Variants in DOCK10 observed in about 807,000 individuals in gnomAD.
The protein encoded by DOCK10 is dedicator of cytokinesis 10, also known as dedicator of cytokinesis protein 10.
A neutral mutation model predicts 280.1 loss-of-function variants in DOCK10; 145 were observed. The ratio of observed to expected loss-of-function variants is 0.52; its 90% confidence interval spans 0.45 to 0.59. The LOEUF (loss-of-function observed/expected upper bound fraction) is 0.59, where lower values mean the gene tolerates loss of function less well. DOCK10 is among the 20% of genes least tolerant of loss of function. DOCK10 has a pLI of 0.00. For synonymous variants in DOCK10, 915 were observed against 942.2 expected, an observed-to-expected ratio of 0.97 and a Z score of 0.53; for missense variants, 2,368 against 2,651.7, an observed-to-expected ratio of 0.89 and a Z score of 2.35.
chr2:224,971,368 G>T (rs754575736), intron 1 of DOCK10, among the ~76,000 whole-genome samples: 3 of 152,000 alleles, frequency 2.0e-5, no homozygotes, highest in Non-Finnish European at 4.4e-5. Context: ...CCAGATTGCA[G>T]GTGAAGAGAG....
chr2:224,882,155 C>A (rs1355865179), intron 7 of DOCK10, among the ~76,000 whole-genome samples: 1 of 152,194 alleles, frequency 6.6e-6, no homozygotes, highest in Non-Finnish European at 1.5e-5. Context: ...TTGGGCTGTT[C>A]ATTCTCTTCT....
chr2:224,881,431 C>A (rs972520705), intron 7 of DOCK10, among the ~76,000 whole-genome samples: 1 of 152,176 alleles, frequency 6.6e-6, no homozygotes, highest in Admixed American at 6.5e-5. Context: ...TAAAGCTCCA[C>A]ATGAACATAT....
rs1691807673 is a variant in DOCK10 at position 224,787,404 on chromosome 2, T to C, written c.5419-7A>G. Reference sequence around the variant, plus strand: ...GCTGCTCCACCAGGATATTCTGCAATTCCCCCAATCAAAATAAGATTTTAC... The same window carrying C: ...GCTGCTCCACCAGGATATTCTGCAACTCCCCCAATCAAAATAAGATTTTAC... On this transcript the variant is annotated splice_region_variant and splice_polypyrimidine_tract_variant and intron_variant, in intron 48 of 55. Transcript: ENST00000258390. 1 of 1,613,358 alleles carries C rather than the reference T, an allele frequency of 6.2e-7. No individual in the cohort carries two copies. The highest frequency in any genetic ancestry group is 1.7e-5 in the Admixed American group (1 of 59,868).
At chr2:225,030,146 TAA>T (rs75138059) in intron 1 of DOCK10, among the ~76,000 whole-genome samples, 7,040 of 119,120 alleles carry the variant, frequency 0.059, 571 homozygotes, top group African/African-American at 0.2. Context: ...ACTCTGTCTT[TAA>T]AAAAAAAAAA....
At chr2:224,823,190 G>A (rs1218398759) in intron 28 of DOCK10, among the ~76,000 whole-genome samples, 1 of 151,910 alleles carries the variant, frequency 6.6e-6, no homozygotes, top group Non-Finnish European at 1.5e-5. Flanking sequence ...GTTTCACCAT[G>A]TTGGCCAGGA....
chr2:224,999,243 TCTCTCTC>T (rs948226203), intron 1 of DOCK10, among the ~76,000 whole-genome samples: 1 of 139,002 alleles, frequency 7.2e-6, no homozygotes, highest in African/African-American at 3.3e-5. Context: ...TTTCTCTGTC[TCTCTCTC>T]TTTTTTTTTT....
At chr2:224,783,110 G>A (rs1339428111) in intron 50 of DOCK10, among the ~76,000 whole-genome samples, 2 of 152,072 alleles carry the variant, frequency 1.3e-5, no homozygotes, top group Non-Finnish European at 2.9e-5. Context: ...AATCTCATCT[G>A]AGCAATGATG....
intron 1 of DOCK10, among the ~76,000 whole-genome samples, chr2:224,960,963 C>T (rs928119349): frequency 2.0e-5 from 3 of 152,098 alleles, no homozygotes; most frequent in Admixed American, 2.0e-4. Flanking sequence ...TGGTCTCGAT[C>T]TCCTGACCTC....
chr2:225,038,035 C>T (rs558642412), intron 1 of DOCK10, among the ~76,000 whole-genome samples: 1 of 152,250 alleles, frequency 6.6e-6, no homozygotes, highest in South Asian at 2.1e-4. Flanking sequence ...GTGATTTCTG[C>T]TAAACCATAA....
intron 4 of DOCK10, among the ~76,000 whole-genome samples, chr2:224,892,249 A>G (rs1299654883): frequency 6.6e-6 from 1 of 151,750 alleles, no homozygotes; most frequent in Non-Finnish European, 1.5e-5. Flanking sequence ...ACACAAAAAA[A>G]TTAGCCAGGC....
In DOCK10 at chr2:224,939,306, G is replaced by T. The variant is rs147071852; in HGVS notation, c.124-7638C>A. On this transcript the variant is annotated intron_variant, in intron 1 of 55. Transcript: ENST00000258390. ...TTAGGGAAAGCAAGGACACAAAGGA[G>T]CTTTATAGGATTTGTGATGTAAGGT... Among the ~76,000 whole-genome samples the T allele has an allele frequency of 4.4e-3, 668 of 152,300 alleles. 5 individuals carry two copies. Among genetic ancestry groups the T allele is most frequent in the Non-Finnish European group, 5.6e-3 (384 of 68,008 alleles).
chr2:224,830,403 C>G (rs1167049535), intron 27 of DOCK10, 138 bp downstream of exon 27: 1 of 439,610 alleles, frequency 2.3e-6, no homozygotes, highest in Non-Finnish European at 3.9e-6. Context: ...ATCATTTCTT[C>G]TACTTATAAA....
chr2:224,831,482 C>T lies in DOCK10; in HGVS notation c.2965-870G>A, dbSNP rs146128568. 4.1e-4 allele frequency among the ~76,000 whole-genome samples: 63 copies of T among 152,324 alleles called. 1 individual carries two copies. Among genetic ancestry groups the T allele is most frequent in the African/African-American group, 1.5e-3 (62 of 41,560 alleles). On this transcript the variant is annotated intron_variant, in intron 26 of 55. Coordinates refer to ENST00000258390, the MANE Select transcript of DOCK10 (RefSeq NM_014689.3). ...CTGCCCCTTTTCTTCTCGCCCAAGGCTCCGTCCTGCCCCTTGAGGGGCCTG... is the reference window on the plus strand; with the variant it reads ...CTGCCCCTTTTCTTCTCGCCCAAGGTTCCGTCCTGCCCCTTGAGGGGCCTG...
chr2:225,042,124 G>C lies in DOCK10; in HGVS notation c.123+128C>G. ...GGGAGCCCGCAGAGGCGGCGGGGGA[G>C]GGAGTGCGGAGGAGAGGACCCGTGA... On this transcript the variant is annotated intron_variant, in intron 1 of 55. Coordinates refer to ENST00000258390, the MANE Select transcript of DOCK10 (RefSeq NM_014689.3). This position sits in a 1 kb window ranked among gnomAD's most constrained non-coding sequence, Gnocchi z 5.1. 1 of 1,088,672 alleles carries C rather than the reference G, an allele frequency of 9.2e-7. No individual in the cohort carries two copies. The highest frequency in any genetic ancestry group is 1.2e-6 in the Non-Finnish European group (1 of 864,408). The allele number at this position is 1,088,672 out of a possible 1,614,324, so 67.4% of individuals were successfully genotyped here. A position where few individuals can be genotyped will look rare whatever the true frequency, so the allele number is the denominator to read the frequency against.
intron 2 of DOCK10, among the ~76,000 whole-genome samples, chr2:224,921,112 A>AAAATAT: frequency 5.5e-5 from 3 of 54,432 alleles, no homozygotes; most frequent in Non-Finnish European, 8.9e-5. Flanking sequence ...AAAAAAAAAA[A>AAAATAT]ATATATATAT....
intron 3 of DOCK10, among the ~76,000 whole-genome samples, chr2:224,915,491 G>A (rs1559749056): frequency 1.3e-5 from 2 of 152,096 alleles, no homozygotes; most frequent in Non-Finnish European, 1.5e-5. Flanking sequence ...AAAAAAGACC[G>A]ATAAAACAAT....
Position 225,042,345 on chromosome 2 carries a change from G to A in DOCK10, c.30C>T (p.Thr10=), listed in dbSNP as rs774609597. ...CCTGCCCAGGTCTCAACAGGCTCCG[G>A]GTGAACCTGCGGGTCCGCTCACCGG... MAGERTRRF[T]RSLLRPGQAA... Residue 10 remains threonine (T), a synonymous_variant, in exon 1 of 56, where the codon ACC becomes ACT. Coordinates refer to ENST00000258390, the MANE Select transcript of DOCK10 (RefSeq NM_014689.3). This position sits in a 1 kb window ranked among gnomAD's most constrained non-coding sequence, Gnocchi z 5.1. The A allele has an allele frequency of 2.9e-5, 38 of 1,312,986 alleles. No homozygotes were observed. Among genetic ancestry groups the A allele is most frequent in the Non-Finnish European group, 3.5e-5 (36 of 1,028,906 alleles). The allele number at this position is 1,312,986 out of a possible 1,614,324, so 81.3% of individuals were successfully genotyped here.
At position 224,819,509 on chromosome 2, in the gene DOCK10, G is replaced by T. The variant is rs1694365513; in HGVS notation, c.3204C>A (p.Asp1068Glu). ...RFLKRCFTFMDRGYVFKMVNN... is the reference protein window; with the variant it reads ...RFLKRCFTFMERGYVFKMVNN... Reference sequence around the variant, plus strand: ...TGACCATCTTAAACACATACCCTCGGTCCATAAATGTAAAGCAGCGCTAAA... The same window carrying T: ...TGACCATCTTAAACACATACCCTCGTTCCATAAATGTAAAGCAGCGCTAAA... The change falls in exon 29 of 56, where the codon GAC becomes GAA. Residue 1068 changes from aspartate (D) to glutamate (E), a missense_variant. Asp to Glu is a conservative substitution (Grantham distance 45). This residue lies in a region of DOCK10 where 1,159 missense variants were observed against 1,400.8 expected (regional missense o/e 0.83). Coordinates refer to ENST00000258390, the MANE Select transcript of DOCK10 (RefSeq NM_014689.3). The T allele has an allele frequency of 6.2e-7, 1 of 1,606,350 alleles. No individual in the cohort carries two copies. Among genetic ancestry groups the T allele is most frequent in the African/African-American group, 1.3e-5 (1 of 74,532 alleles).
intron 47 of DOCK10, among the ~76,000 whole-genome samples, chr2:224,789,980 C>T (rs1334216237): frequency 6.6e-6 from 1 of 152,104 alleles, no homozygotes; most frequent in Non-Finnish European, 1.5e-5. Flanking sequence ...GGGGTTTCAC[C>T]ATGTTGGCTA....
Sources: allele counts gnomAD v4.1 joint callset (sites outside exome capture counted in the v4.1 genomes callset), GRCh38; gene constraint gnomAD v4.1.1; regional missense constraint gnomAD v4.1.1; non-coding constraint Gnocchi (gnomAD v3.1); transcripts MANE v1.5; gene names NCBI Gene and HGNC (gene_info 2026-07-23, HGNC 2026-07-21).